ITPR2: variants seen among roughly 807,000 people sequenced by gnomAD.
The protein encoded by ITPR2 is inositol 1,4,5-trisphosphate-gated calcium channel ITPR2.
In ITPR2, 207 loss-of-function variants were observed where a neutral mutation model predicts 317.1. The observed-to-expected ratio is 0.65, with a 90% CI of 0.58 to 0.73. The LOEUF (loss-of-function observed/expected upper bound fraction) is 0.73. ITPR2 is among the 30% of genes least tolerant of loss of function. ITPR2 has a pLI of 0.00. For synonymous variants in ITPR2, 1,156 were observed against 1,149.1 expected, an observed-to-expected ratio of 1.01 and a Z score of -0.12; for missense variants, 2,613 against 3,284.0, an observed-to-expected ratio of 0.80 and a Z score of 4.99.
rs80329997 is a variant in ITPR2 at position 26,831,523 on chromosome 12, G to C, written c.92+1167C>G. ...GTTCCACAGCCTGAAATGTAGGGCG[G>C]GGGGACCTAAGTGTTGAAACAACGA... On this transcript the variant is annotated intron_variant, in intron 1 of 56. Coordinates refer to ENST00000381340, the MANE Select transcript of ITPR2 (RefSeq NM_002223.4). The surrounding 1 kb of genome is among the most constrained non-coding windows in gnomAD (Gnocchi z 4.9). Among the ~76,000 whole-genome samples, 24,357 of 151,970 alleles carry C rather than the reference G, an allele frequency of 0.16. 2,315 individuals carry two copies. Among genetic ancestry groups the C allele is most frequent in the East Asian group, 0.22 (1,129 of 5,168 alleles).
At chr12:26,434,082 T>G (rs1349756532) in intron 48 of ITPR2, among the ~76,000 whole-genome samples, 1 of 152,146 alleles carries the variant, frequency 6.6e-6, no homozygotes, top group Non-Finnish European at 1.5e-5. Context: ...GAGAAAATGC[T>G]CCTCCCTTCC....
chr12:26,567,740 T>C (rs1452329160), intron 34 of ITPR2, among the ~76,000 whole-genome samples: 1 of 151,068 alleles, frequency 6.6e-6, no homozygotes, highest in Non-Finnish European at 1.5e-5. Flanking sequence ...AAAACCAAAA[T>C]TAACAATGCC....
intron 1 of ITPR2, among the ~76,000 whole-genome samples, chr12:26,830,932 C>T (rs1211336508): frequency 1.3e-5 from 2 of 152,172 alleles, no homozygotes; most frequent in African/African-American, 4.8e-5. Context: ...TGCCTATTCC[C>T]ATTTGTAGAA....
chr12:26,578,586 C>T, intron 34 of ITPR2, 127 bp downstream of exon 34: 1 of 744,410 alleles, frequency 1.3e-6, no homozygotes, highest in Non-Finnish European at 2.1e-6. Context: ...GGCTGCTCTT[C>T]AGTTTAACAG....
At chr12:26,720,752 G>C (rs1225591734) in intron 5 of ITPR2, among the ~76,000 whole-genome samples, 1 of 152,134 alleles carries the variant, frequency 6.6e-6, no homozygotes, top group Non-Finnish European at 1.5e-5. Flanking sequence ...TTGGGTGGTA[G>C]GTTTTGTTTT....
At chr12:26,777,773 G>A (rs1318453421) in intron 2 of ITPR2, among the ~76,000 whole-genome samples, 1 of 152,136 alleles carries the variant, frequency 6.6e-6, no homozygotes, top group Non-Finnish European at 1.5e-5. Flanking sequence ...TGAATGAAGG[G>A]GAGGTCCTTC....
chr12:26,685,965 A>T (rs557405318), intron 11 of ITPR2, among the ~76,000 whole-genome samples: 39 of 152,252 alleles, frequency 2.6e-4, no homozygotes, highest in African/African-American at 9.4e-4. Flanking sequence ...ACCTTATATT[A>T]ATATTTTATG....
At chr12:26,769,070 C>T (rs1349373490) in intron 2 of ITPR2, among the ~76,000 whole-genome samples, 3 of 151,210 alleles carry the variant, frequency 2.0e-5, no homozygotes, top group Non-Finnish European at 4.4e-5. Context: ...AGCACCAGGA[C>T]TCAGTGGGTT....
At chr12:26,420,114 A>G (rs1432670809) in intron 49 of ITPR2, among the ~76,000 whole-genome samples, 1 of 152,186 alleles carries the variant, frequency 6.6e-6, no homozygotes, top group East Asian at 1.9e-4. Flanking sequence ...TGGCAATAAT[A>G]ACGATGTGTG....
intron 45 of ITPR2, among the ~76,000 whole-genome samples, chr12:26,447,994 CTTTTT>C (rs376160734): frequency 0.02 from 1,604 of 82,134 alleles, 28 homozygotes; most frequent in African/African-American, 0.046. Flanking sequence ...TTTTACATGA[CTTTTT>C]TTTAAAAAAA....
chr12:26,399,504 G>A (rs1940102271), intron 53 of ITPR2, among the ~76,000 whole-genome samples: 1 of 152,136 alleles, frequency 6.6e-6, no homozygotes, highest in African/African-American at 2.4e-5. Context: ...TCTTCCTGAT[G>A]AACAGTGTTA....
At chr12:26,343,751 A>G (rs1308347083) in intron 55 of ITPR2, among the ~76,000 whole-genome samples, 1 of 152,104 alleles carries the variant, frequency 6.6e-6, no homozygotes, top group African/African-American at 2.4e-5. Flanking sequence ...GAAGGATTAG[A>G]AAAGTGCATT....
At chr12:26,570,988 T>C (rs1286572994) in intron 34 of ITPR2, among the ~76,000 whole-genome samples, 1 of 152,170 alleles carries the variant, frequency 6.6e-6, no homozygotes, top group Non-Finnish European at 1.5e-5. Context: ...TAAAGATGTT[T>C]ATACCTTACA....
At chr12:26,384,647 A>T (rs541624293) in intron 55 of ITPR2, among the ~76,000 whole-genome samples, 14 of 152,322 alleles carry the variant, frequency 9.2e-5, no homozygotes, top group African/African-American at 3.4e-4. Context: ...TTTTCACAGC[A>T]GTCTTCTCTT....
At chr12:26,668,974 T>C (rs913406943) in intron 13 of ITPR2, among the ~76,000 whole-genome samples, 6 of 151,974 alleles carry the variant, frequency 3.9e-5, no homozygotes, top group Admixed American at 2.6e-4. Flanking sequence ...AAAAAATTAG[T>C]TGGTGAGGTG....
rs1463476903 is a variant in ITPR2 at position 26,369,159 on chromosome 12, G to A, written c.7857+18275C>T. On this transcript the variant is annotated intron_variant, in intron 55 of 56. Coordinates refer to ENST00000381340, the MANE Select transcript of ITPR2 (RefSeq NM_002223.4). The stretch of plus-strand genomic sequence containing the variant: ...TGGAGCCTATGAATGGGAGGAAAGG[G>A]CAGAGCATAGCAGGTGCCAGAGCTT... Among the ~76,000 whole-genome samples the A allele has an allele frequency of 4.6e-5, 7 of 152,240 alleles. No individual in the cohort carries two copies. The East Asian group carries it at 5.8e-4, about 13-fold the overall frequency.
intron 52 of ITPR2, among the ~76,000 whole-genome samples, chr12:26,404,361 T>C (rs150242627): frequency 2.0e-5 from 3 of 152,278 alleles, no homozygotes; most frequent in African/African-American, 7.2e-5. Flanking sequence ...GCATCTCAGA[T>C]GATTTGTATG....
intron 34 of ITPR2, among the ~76,000 whole-genome samples, chr12:26,578,174 TTCTCTCTCTC>T (rs140732351): frequency 6.8e-6 from 1 of 147,134 alleles, no homozygotes; most frequent in Admixed American, 6.9e-5. Context: ...CTTATTAACT[TTCTCTCTCTC>T]TCTCTCTCTC....
At chr12:26,787,123 C>T (rs939124454) in intron 2 of ITPR2, among the ~76,000 whole-genome samples, 2 of 152,234 alleles carry the variant, frequency 1.3e-5, no homozygotes, top group African/African-American at 4.8e-5. Flanking sequence ...CTGTCTGCTC[C>T]TGGCTGTTAA....
Sources: allele counts gnomAD v4.1 joint callset (sites outside exome capture counted in the v4.1 genomes callset), GRCh38; gene constraint gnomAD v4.1.1; non-coding constraint Gnocchi (gnomAD v3.1); transcripts MANE v1.5; gene names NCBI Gene and HGNC (gene_info 2026-07-23, HGNC 2026-07-21).